MAPT: variants seen among roughly 807,000 people sequenced by gnomAD.
MAPT encodes microtubule-associated protein tau.
MAPT carries 34 observed loss-of-function variants against 67.9 expected under a neutral mutation model. The ratio of observed to expected loss-of-function variants is 0.50; its 90% confidence interval spans 0.38 to 0.67. The LOEUF is 0.67. MAPT is among the 30% of genes least tolerant of loss of function. The probability of loss-of-function intolerance (pLI) is 0.00; values close to 1 mark genes in which losing one functional copy is unlikely to be tolerated. For synonymous variants in MAPT, 456 were observed against 464.5 expected (o/e 0.98, Z 0.23); for missense variants, 881 against 1,115.2 (o/e 0.79, Z 2.99).
chr17:45,986,555 C>T (rs2073559798), intron 5 of MAPT, among the ~76,000 whole-genome samples: 1 of 152,208 alleles, frequency 6.6e-6, no homozygotes, highest in Admixed American at 6.5e-5. Context: ...GGAGACAATG[C>T]ACCCACCCCC....
At position 45,978,404 on chromosome 17, in the gene MAPT, A is replaced by C; in HGVS notation, c.250A>C (p.Ser84Arg). 1 of 1,612,598 alleles carries C rather than the reference A, an allele frequency of 6.2e-7. No homozygotes were observed. The highest frequency in any genetic ancestry group is 1.3e-5 in the African/African-American group (1 of 74,944). Residue 84 changes from serine to arginine, a missense_variant, in exon 4 of 13, where the codon AGC (serine) becomes CGC (arginine). Transcript: ENST00000262410. ...AGAAGCAGGCATTGGAGACACCCCC[A>C]GCCTGGAAGACGAAGCTGCTGGTCA... ...AEEAGIGDTP[S>R]LEDEAAGHVT...
chr17:46,023,518 AG>A (rs1481027619), intron 12 of MAPT, among the ~76,000 whole-genome samples: 2 of 152,154 alleles, frequency 1.3e-5, no homozygotes, highest in African/African-American at 4.8e-5. Context: ...GAGTGGGCAC[AG>A]GTATTACCAA....
intron 9 of MAPT, among the ~76,000 whole-genome samples, chr17:45,997,261 G>A (rs904700560): frequency 1.3e-5 from 2 of 152,280 alleles, no homozygotes; most frequent in East Asian, 3.9e-4. Flanking sequence ...CTGTCCCTGT[G>A]CCCCTCGTCT....
intron 11 of MAPT, among the ~76,000 whole-genome samples, chr17:46,017,434 T>C (rs12943145): frequency 0.96 from 132,715 of 137,552 alleles, 64,175 homozygotes; most frequent in South Asian, 1. Context: ...CCAACATGCC[T>C]GGCTAATTTT....
intron 1 of MAPT, among the ~76,000 whole-genome samples, chr17:45,949,228 C>T (rs751616216): frequency 5.6e-4 from 86 of 152,242 alleles, no homozygotes; most frequent in Non-Finnish European, 1.1e-3. Context: ...GAGCCCGGGA[C>T]CTTCCTTGGC....
chr17:45,975,634 A>C (rs1313373331), intron 3 of MAPT: 1 of 151,886 alleles, frequency 6.6e-6, no homozygotes, highest in Non-Finnish European at 1.5e-5. Flanking sequence ...CAGAATGAAA[A>C]CTCTAGCCAA....
chr17:45,922,202 G>A (rs999105158), intron 1 of MAPT, among the ~76,000 whole-genome samples: 13 of 152,090 alleles, frequency 8.5e-5, no homozygotes, highest in Admixed American at 6.6e-4. Context: ...TAATAGAGAC[G>A]GCCCGAAGTG....
intron 1 of MAPT, among the ~76,000 whole-genome samples, chr17:45,937,956 G>A (rs774854087): frequency 6.6e-6 from 1 of 152,174 alleles, no homozygotes; most frequent in South Asian, 2.1e-4. Context: ...AGGCTTGGGG[G>A]ACCAAGGGTG....
chr17:46,013,287 A>G (rs536479951), intron 10 of MAPT, among the ~76,000 whole-genome samples: 1 of 152,246 alleles, frequency 6.6e-6, no homozygotes, highest in East Asian at 1.9e-4. Flanking sequence ...TCAATCAGTG[A>G]CCTGCCCCCC....
chr17:45,983,535 G>A lies in MAPT; in HGVS notation c.956G>A (p.Arg319Gln), dbSNP rs192840932. 8.7e-6 allele frequency: 14 copies of A among 1,612,838 alleles called. No individual in the cohort carries two copies. The highest frequency in any genetic ancestry group is 2.7e-5 in the African/African-American group (2 of 74,996). The stretch of plus-strand genomic sequence containing the variant: ...AAGGCCTCCCCAGCCCAAGATGGGC[G>A]GCCTCCCCAGACAGCCGCCAGAGAA... ...PSKASPAQDGRPPQTAAREAT... is the reference protein window; with the variant it reads ...PSKASPAQDGQPPQTAAREAT... The change falls in exon 5 of 13, where the codon CGG becomes CAG. Residue 319 changes from arginine to glutamine, a missense_variant. Physicochemically the swap from Arg to Gln is conservative, Grantham distance 43. Transcript: ENST00000262410.
intron 1 of MAPT, among the ~76,000 whole-genome samples, chr17:45,912,171 G>A (rs541631077): frequency 6.6e-6 from 1 of 152,314 alleles, no homozygotes; most frequent in South Asian, 2.1e-4. Context: ...AGGGCTGTCA[G>A]AATTAGCAAA....
intron 1 of MAPT, among the ~76,000 whole-genome samples, chr17:45,917,884 A>C (rs894426536): frequency 6.6e-6 from 1 of 151,326 alleles, no homozygotes; most frequent in African/African-American, 2.4e-5. Context: ...AGCGATTCTC[A>C]TGTCTCGGCC....
chr17:46,006,931 AAAAAT>A (rs1315009806), intron 9 of MAPT, among the ~76,000 whole-genome samples: 6 of 149,944 alleles, frequency 4.0e-5, no homozygotes, highest in African/African-American at 9.8e-5. Flanking sequence ...TCAAAAAAAT[AAAAAT>A]AAAATAAAAT....
intron 6 of MAPT, among the ~76,000 whole-genome samples, chr17:45,987,520 T>C (rs939803496): frequency 3.3e-5 from 5 of 152,244 alleles, no homozygotes; most frequent in Admixed American, 6.5e-5. Flanking sequence ...TCACCCATTG[T>C]TTACTGTCTC....
At chr17:45,972,570 A>T (rs1305097125) in intron 3 of MAPT, among the ~76,000 whole-genome samples, 1 of 152,178 alleles carries the variant, frequency 6.6e-6, no homozygotes, top group Non-Finnish European at 1.5e-5. Context: ...ACCCCAACTA[A>T]CTGTGGCATT....
intron 1 of MAPT, among the ~76,000 whole-genome samples, chr17:45,957,689 G>C (rs2145224700): frequency 6.6e-6 from 1 of 152,178 alleles, no homozygotes; most frequent in East Asian, 1.9e-4. Flanking sequence ...AAGGGTGTGG[G>C]ACTACATTCC....
chr17:45,956,957 A>G (rs1361195982), intron 1 of MAPT, among the ~76,000 whole-genome samples: 1 of 151,910 alleles, frequency 6.6e-6, no homozygotes, highest in East Asian at 1.9e-4. Context: ...ATAGTATTCC[A>G]TGGTGTATAT....
intron 8 of MAPT, among the ~76,000 whole-genome samples, chr17:45,994,407 G>A (rs773010116): frequency 1.3e-5 from 2 of 152,230 alleles, no homozygotes; most frequent in Non-Finnish European, 2.9e-5. Flanking sequence ...GGTCTGAGGA[G>A]GCAGAGAGGC....
At chr17:46,020,523 C>T (rs541242171) in intron 12 of MAPT, among the ~76,000 whole-genome samples, 6 of 152,102 alleles carry the variant, frequency 3.9e-5, no homozygotes, top group Non-Finnish European at 8.8e-5. Context: ...TGTATTAGTC[C>T]GTTTTCACGC....
Sources: gnomAD v4.1 joint callset for allele counts (sites outside exome capture counted in the v4.1 genomes callset) on GRCh38, gnomAD v4.1.1 for gene constraint, MANE v1.5 for transcripts, NCBI Gene and HGNC (gene_info 2026-07-23, HGNC 2026-07-21) for gene names.